CASTOR2: variants seen among roughly 807,000 people sequenced by gnomAD.
CASTOR2 encodes the protein cytosolic arginine sensor for mTORC1 subunit 2, also known as GATS protein like 2.
A neutral mutation model predicts 31.2 loss-of-function variants in CASTOR2; 8 were observed. The observed-to-expected ratio is 0.26, with a 90% confidence interval of 0.15 to 0.46. The LOEUF (loss-of-function observed/expected upper bound fraction) is 0.46. Among genes scored for constraint, CASTOR2 ranks in the 20% least tolerant of loss-of-function variants. CASTOR2 has a pLI of 0.99. For synonymous variants in CASTOR2, 162 were observed against 158.7 expected, an observed-to-expected ratio of 1.02 and a Z score of -0.16; for missense variants, 216 against 382.1, an observed-to-expected ratio of 0.57 and a Z score of 3.62.
rs1563067153 is a variant in CASTOR2 at position 75,027,977 on chromosome 7, C to T, written c.*3278C>T. 33 of 1,515,142 alleles carry T rather than the reference C, an allele frequency of 2.2e-5. No individual in the cohort carries two copies. The highest frequency in any genetic ancestry group is 2.8e-5 in the Non-Finnish European group (32 of 1,129,180). 93.9% of individuals were successfully genotyped at this position (1,515,142 alleles called of 1,614,324 possible). On this transcript the variant is annotated 3_prime_UTR_variant, in exon 9 of 9. Transcript: ENST00000616305. ...GGGCATGTGTTTCTCAGAGGGGCTCCATCCGCAGTTGCATGGAACTCCTTA... is the reference window on the plus strand; with the variant it reads ...GGGCATGTGTTTCTCAGAGGGGCTCTATCCGCAGTTGCATGGAACTCCTTA...
chr7:75,020,466 G>A (rs1804968125), intron 6 of CASTOR2, among the ~76,000 whole-genome samples: 1 of 149,978 alleles, frequency 6.7e-6, no homozygotes, highest in African/African-American at 2.5e-5. Flanking sequence ...CCTGACCTCA[G>A]GCAATCCGCC....
chr7:74,975,640 C>T (rs1227869746), intron 1 of CASTOR2, among the ~76,000 whole-genome samples: 18 of 107,094 alleles, frequency 1.7e-4, no homozygotes, highest in African/African-American at 6.5e-4. Flanking sequence ...GGCGTGAAGC[C>T]GAGATCGCGC....
At chr7:74,994,309 G>GT (rs1804286834) in intron 1 of CASTOR2, among the ~76,000 whole-genome samples, 1 of 152,228 alleles carries the variant, frequency 6.6e-6, no homozygotes, top group Non-Finnish European at 1.5e-5. Flanking sequence ...CCCCGTCAGG[G>GT]TGAGGGCACA....
chr7:74,979,653 A>T (rs1266267903), intron 1 of CASTOR2, among the ~76,000 whole-genome samples: 24 of 31,572 alleles, frequency 7.6e-4, no homozygotes, highest in African/African-American at 3.1e-3. Context: ...TCGGCCTCCC[A>T]AAGGGCTGAG....
At chr7:75,016,674 C>G (rs1248503153) in intron 2 of CASTOR2, among the ~76,000 whole-genome samples, 1 of 152,072 alleles carries the variant, frequency 6.6e-6, no homozygotes, top group Non-Finnish European at 1.5e-5. Context: ...CAGCATCAGA[C>G]CCACAAAAGG....
intron 1 of CASTOR2, among the ~76,000 whole-genome samples, chr7:75,004,553 TCTC>T (rs1475090997): frequency 1.3e-4 from 19 of 151,020 alleles, no homozygotes; most frequent in Admixed American, 8.6e-4. Flanking sequence ...TTCAAGTAAT[TCTC>T]CTGCCTCAGC....
intron 1 of CASTOR2, among the ~76,000 whole-genome samples, chr7:74,994,584 A>T (rs1804294222): frequency 6.6e-6 from 1 of 152,048 alleles, no homozygotes; most frequent in African/African-American, 2.4e-5. Context: ...CCCCATCTCT[A>T]CTAAAAAATA....
At position 75,007,926 on chromosome 7, in the gene CASTOR2, G is replaced by A. The variant is rs1439896929; in HGVS notation, c.114-68G>A. On this transcript the variant is annotated intron_variant, in intron 1 of 8. Transcript: ENST00000616305. ...AACTGAGTCATCATCCCCAGGGCAC[G>A]GGTGGGCAGCTGCCCCAGGGGACCT... is the stretch of plus-strand genomic sequence containing the variant. 3.6e-5 allele frequency: 58 copies of A among 1,610,876 alleles called. 1 individual carries two copies. The highest frequency in any genetic ancestry group is 1.6e-4 in the Middle Eastern group (1 of 6,074).
intron 1 of CASTOR2, among the ~76,000 whole-genome samples, chr7:74,979,381 G>C (rs1329398296): frequency 6.8e-6 from 1 of 146,386 alleles, no homozygotes; most frequent in African/African-American, 2.5e-5. Flanking sequence ...CCCAGTGTCT[G>C]ATGTTCCCAT....
At chr7:75,003,559 G>T (rs1486555038) in intron 1 of CASTOR2, among the ~76,000 whole-genome samples, 3 of 152,078 alleles carry the variant, frequency 2.0e-5, no homozygotes, top group African/African-American at 4.8e-5. Flanking sequence ...GACCATCCTG[G>T]CTAACACGAT....
intron 1 of CASTOR2, among the ~76,000 whole-genome samples, chr7:75,000,325 G>A (rs1240559305): frequency 2.0e-5 from 3 of 152,076 alleles, no homozygotes; most frequent in South Asian, 2.1e-4. Flanking sequence ...AGGGGTGGGC[G>A]GTCTCCAGAA....
Position 74,988,855 on chromosome 7 carries a change from C to CT in CASTOR2, c.114-19126dup, listed in dbSNP as rs1423196185. 2.3e-3 allele frequency among the ~76,000 whole-genome samples: 318 copies of CT among 139,678 alleles called. 1 individual carries two copies. Among genetic ancestry groups the CT allele is most frequent in the South Asian group, 4.8e-3 (21 of 4,408 alleles). 91.6% of individuals were successfully genotyped at this position (139,678 alleles called of 152,430 possible). On this transcript the variant is annotated intron_variant, in intron 1 of 8. Transcript: ENST00000616305. ...GCAGCCTGCGATCTTCTGAGGCATG[C>CT]TTTTTTTTTTTTTCATTCCACATTG... is the stretch of plus-strand genomic sequence containing the variant.
chr7:75,013,218 AC>A (rs1804793345), intron 2 of CASTOR2, among the ~76,000 whole-genome samples: 1 of 152,326 alleles, frequency 6.6e-6, no homozygotes. Flanking sequence ...GTGTGTGTTC[AC>A]TGGCAGCTTT....
intron 2 of CASTOR2, among the ~76,000 whole-genome samples, chr7:75,012,129 G>A (rs1804764549): frequency 1.3e-5 from 2 of 152,230 alleles, no homozygotes; most frequent in South Asian, 4.1e-4. Context: ...AAGTGCTGCC[G>A]GAAAGTAATG....
chr7:75,013,072 C>T (rs1647975867), intron 2 of CASTOR2, among the ~76,000 whole-genome samples: 1 of 152,258 alleles, frequency 6.6e-6, no homozygotes, highest in Non-Finnish European at 1.5e-5. Context: ...ACAGGCATGA[C>T]CCCAGGAAGA....
intron 1 of CASTOR2, among the ~76,000 whole-genome samples, chr7:74,990,904 T>C (rs1584464579): frequency 6.6e-6 from 1 of 151,500 alleles, no homozygotes; most frequent in South Asian, 2.1e-4. Flanking sequence ...GGCACACGCC[T>C]ATAGTCCCAG....
intron 1 of CASTOR2, among the ~76,000 whole-genome samples, chr7:74,994,943 G>T (rs1217402563): frequency 6.6e-6 from 1 of 152,092 alleles, no homozygotes; most frequent in Non-Finnish European, 1.5e-5. Context: ...AGCCACCACA[G>T]GAAGCAGAGG....
At chr7:74,977,761 C>G (rs1185297528) in intron 1 of CASTOR2, among the ~76,000 whole-genome samples, 1 of 150,414 alleles carries the variant, frequency 6.6e-6, no homozygotes, top group Non-Finnish European at 1.5e-5. Context: ...ACTCCAGCCT[C>G]GATTTCTCAG....
At chr7:75,007,771 CG>C (rs1261797379) in intron 1 of CASTOR2, 6 of 646,322 alleles carry the variant, frequency 9.3e-6, no homozygotes, top group Non-Finnish European at 1.4e-5. Context: ...CCAAAGATTG[CG>C]GGGGTATAGT....
Sources: allele counts gnomAD v4.1 joint callset (sites outside exome capture counted in the v4.1 genomes callset), GRCh38; gene constraint gnomAD v4.1.1; transcripts MANE v1.5; gene names NCBI Gene and HGNC (gene_info 2026-07-23, HGNC 2026-07-21).